The following CHRM5 variants were observed in gnomAD, a reference collection of about 807,000 sequenced individuals.
CHRM5 encodes muscarinic acetylcholine receptor M5.
In CHRM5, 18 loss-of-function variants were observed where a neutral mutation model predicts 39.0. The ratio of observed to expected loss-of-function variants is 0.46; its 90% CI spans 0.32 to 0.68. The LOEUF is 0.68. Ranked by LOEUF, CHRM5 falls within the 30% of genes least tolerant of loss-of-function variation. The pLI is 0.04. For synonymous variants in CHRM5, 241 were observed against 246.3 expected, an observed-to-expected ratio of 0.98 and a Z score of 0.20; for missense variants, 515 against 651.1, an observed-to-expected ratio of 0.79 and a Z score of 2.28.
chr15:34,020,298 G>A (rs919220431), intron 1 of CHRM5, among the ~76,000 whole-genome samples: 11 of 144,868 alleles, frequency 7.6e-5, no homozygotes, highest in Non-Finnish European at 1.4e-4. Context: ...GTGACCGAGC[G>A]AGACTCCATC....
intron 1 of CHRM5, among the ~76,000 whole-genome samples, chr15:34,042,407 T>TG (rs1258371137): frequency 6.6e-6 from 1 of 150,676 alleles, no homozygotes. Flanking sequence ...TTTTTTTTTT[T>TG]TTTTTTTTTT....
intron 1 of CHRM5, among the ~76,000 whole-genome samples, chr15:33,978,471 C>G (rs1230009574): frequency 3.3e-5 from 5 of 152,122 alleles, no homozygotes; most frequent in Non-Finnish European, 7.4e-5. Flanking sequence ...CAAAACCAGC[C>G]TGATCAACAT....
Position 34,063,588 on chromosome 15 carries a change from A to G in CHRM5, c.871A>G (p.Ser291Gly). 2 of 1,613,850 alleles carry G rather than the reference A, an allele frequency of 1.2e-6. No individual in the cohort carries two copies. The highest frequency in any genetic ancestry group is 2.2e-5 in the South Asian group (2 of 91,088). ...GAAGCCATCCCAAGCCACTGGCCCA[A>G]GCGCCAATTGGGCCAAAGCTGAGCA... The part of the protein sequence containing the change: ...TGKPSQATGP[S>G]ANWAKAEQLT... The change falls in exon 3 of 3, where the codon AGC (serine) becomes GGC (glycine). Residue 291 changes from serine to glycine, a missense_variant. Ser to Gly is a moderately conservative substitution (Grantham distance 56, BLOSUM62 0). Transcript: ENST00000383263. This position sits in a 1 kb window ranked among gnomAD's most constrained non-coding sequence, Gnocchi z 4.1.
At chr15:34,033,484 T>TA (rs1250977156) in intron 1 of CHRM5, among the ~76,000 whole-genome samples, 1 of 145,320 alleles carries the variant, frequency 6.9e-6, no homozygotes, top group Non-Finnish European at 1.5e-5. Flanking sequence ...CCAGCCTGGG[T>TA]AACAGAGCGA....
intron 1 of CHRM5, among the ~76,000 whole-genome samples, chr15:34,021,554 T>G (rs114115602): frequency 0.016 from 2,505 of 152,282 alleles, 78 homozygotes; most frequent in African/African-American, 0.053. Flanking sequence ...TTTCTGTATC[T>G]TTAAGAGCAC....
At chr15:34,039,328 G>C (rs569274779) in intron 1 of CHRM5, among the ~76,000 whole-genome samples, 1 of 152,090 alleles carries the variant, frequency 6.6e-6, no homozygotes, top group East Asian at 1.9e-4. Flanking sequence ...GGATTCTCAA[G>C]GCATCAGAGA....
At chr15:34,022,455 A>G (rs979479295) in intron 1 of CHRM5, among the ~76,000 whole-genome samples, 2 of 152,208 alleles carry the variant, frequency 1.3e-5, no homozygotes, top group African/African-American at 4.8e-5. Context: ...GAAGGGAGAA[A>G]GCTTTTACCT....
At chr15:34,009,112 G>A (rs1897519050) in intron 1 of CHRM5, among the ~76,000 whole-genome samples, 1 of 151,830 alleles carries the variant, frequency 6.6e-6, no homozygotes, top group South Asian at 2.1e-4. Flanking sequence ...TATTCAAAGT[G>A]TTGCTAGGAA....
chr15:34,058,555 AAC>A (rs3027963), intron 2 of CHRM5, among the ~76,000 whole-genome samples: 4,329 of 143,232 alleles, frequency 0.03, 172 homozygotes, highest in African/African-American at 0.093. Flanking sequence ...CTTTAATTCT[AAC>A]ACACACACAC....
intron 1 of CHRM5, among the ~76,000 whole-genome samples, chr15:33,994,335 C>T (rs1306203840): frequency 6.6e-6 from 1 of 152,220 alleles, no homozygotes; most frequent in Non-Finnish European, 1.5e-5. Context: ...CTGTCAGTCT[C>T]CCATCATTCC....
chr15:34,054,071 A>G (rs949804698), intron 2 of CHRM5, among the ~76,000 whole-genome samples: 6 of 151,542 alleles, frequency 4.0e-5, no homozygotes, highest in South Asian at 2.1e-4. Flanking sequence ...AAAAAACGTG[A>G]AAAAAAAACT....
At chr15:33,975,237 C>G (rs186640255) in intron 1 of CHRM5, among the ~76,000 whole-genome samples, 2 of 152,156 alleles carry the variant, frequency 1.3e-5, no homozygotes, top group Admixed American at 6.5e-5. Flanking sequence ...AGAGGATTCA[C>G]AAAGATATTC....
intron 1 of CHRM5, chr15:34,039,031 C>T: frequency 1.8e-6 from 2 of 1,119,310 alleles, no homozygotes; most frequent in East Asian, 5.6e-5. Flanking sequence ...CCCCGAGCTC[C>T]TCGCTCCGCC....
At chr15:33,974,949 G>A (rs1895820533) in intron 1 of CHRM5, among the ~76,000 whole-genome samples, 1 of 152,170 alleles carries the variant, frequency 6.6e-6, no homozygotes, top group African/African-American at 2.4e-5. Flanking sequence ...TCCAGCCTGA[G>A]CAACAAGGGC....
At chr15:34,003,519 G>A (rs1024039400) in intron 1 of CHRM5, among the ~76,000 whole-genome samples, 5 of 152,164 alleles carry the variant, frequency 3.3e-5, no homozygotes, top group African/African-American at 1.2e-4. Flanking sequence ...AATCAAGGCT[G>A]TAAGCATCTT....
intron 1 of CHRM5, among the ~76,000 whole-genome samples, chr15:33,989,254 C>T (rs1896614327): frequency 6.6e-6 from 1 of 152,054 alleles, no homozygotes; most frequent in South Asian, 2.1e-4. Context: ...ATGACAGCCC[C>T]GTGTTAATGA....
intron 1 of CHRM5, among the ~76,000 whole-genome samples, chr15:33,982,540 T>C (rs1896199181): frequency 6.6e-6 from 1 of 152,264 alleles, no homozygotes; most frequent in African/African-American, 2.4e-5. Context: ...TTTGATTGAC[T>C]GCTATTAACT....
chr15:34,062,754 A>G lies in CHRM5; in HGVS notation c.37A>G (p.Asn13Asp). The G allele has an allele frequency of 6.2e-7, 1 of 1,613,680 alleles. No homozygotes were observed. The highest frequency in any genetic ancestry group is 8.5e-7 in the Non-Finnish European group (1 of 1,179,694). ...GDSYHNATTV[N>D]GTPVNHQPLE... ...TTCTTACCACAATGCAACCACCGTCAATGGCACCCCAGTAAATCACCAGCC... is the reference window on the plus strand; with the variant it reads ...TTCTTACCACAATGCAACCACCGTCGATGGCACCCCAGTAAATCACCAGCC... Residue 13 changes from asparagine (N) to aspartate (D), a missense_variant, in exon 3 of 3, where the codon AAT becomes GAT. Physicochemically the swap from Asn to Asp is conservative, Grantham distance 23. Transcript: ENST00000383263.
chr15:34,015,403 A>G (rs2140683965), intron 1 of CHRM5, among the ~76,000 whole-genome samples: 1 of 152,122 alleles, frequency 6.6e-6, no homozygotes, highest in East Asian at 1.9e-4. Context: ...AATAGCGTGA[A>G]CCCGGGAGGC....
Sources: allele counts gnomAD v4.1 joint callset (sites outside exome capture counted in the v4.1 genomes callset), GRCh38; gene constraint gnomAD v4.1.1; non-coding constraint Gnocchi (gnomAD v3.1); transcripts MANE v1.5; gene names NCBI Gene and HGNC (gene_info 2026-07-23, HGNC 2026-07-21).